HMCN1: variants seen among roughly 807,000 people sequenced by gnomAD.
The protein encoded by HMCN1 is hemicentin-1.
HMCN1 carries 321 observed loss-of-function variants against 625.9 expected under a neutral mutation model. The observed-to-expected ratio is 0.51, with a 90% CI of 0.47 to 0.56. The LOEUF is 0.56. Among genes scored for constraint, HMCN1 ranks in the 20% least tolerant of loss-of-function variants. The pLI is 0.00. For synonymous variants in HMCN1, 2,425 were observed against 2,417.6 expected (o/e 1.00, Z -0.09); for missense variants, 6,588 against 6,887.3 (o/e 0.96, Z 1.54).
chr1:185,989,717 C>T, intron 21 of HMCN1, 70 bp downstream of exon 21: 2 of 1,438,448 alleles, frequency 1.4e-6, no homozygotes, highest in Middle Eastern at 1.8e-4. Flanking sequence ...GTTCTTTCCC[C>T]AATACTGTTA....
At chr1:186,098,766 A>G (rs1280401306) in intron 68 of HMCN1, among the ~76,000 whole-genome samples, 1 of 152,172 alleles carries the variant, frequency 6.6e-6, no homozygotes, top group Non-Finnish European at 1.5e-5. Flanking sequence ...AAGATATATA[A>G]TCAATCTAAA....
intron 99 of HMCN1, among the ~76,000 whole-genome samples, chr1:186,166,599 C>T (rs1558275579): frequency 6.6e-6 from 1 of 152,226 alleles, no homozygotes; most frequent in Non-Finnish European, 1.5e-5. Flanking sequence ...ATTAATCTGT[C>T]AGTCTATGAA....
chr1:185,945,242 CTTTA>C (rs1191014690), intron 11 of HMCN1, among the ~76,000 whole-genome samples: 1 of 152,172 alleles, frequency 6.6e-6, no homozygotes, highest in Admixed American at 6.5e-5. Context: ...ACAATGAGAT[CTTTA>C]TTTATGCTAT....
chr1:185,799,997 G>A (rs1557978782), intron 1 of HMCN1, among the ~76,000 whole-genome samples: 1 of 152,178 alleles, frequency 6.6e-6, no homozygotes, highest in South Asian at 2.1e-4. Flanking sequence ...ACAAGTACCA[G>A]CCCTGATGGG....
chr1:185,794,409 T>C (rs1170371688), intron 1 of HMCN1, among the ~76,000 whole-genome samples: 2 of 150,710 alleles, frequency 1.3e-5, no homozygotes, highest in Non-Finnish European at 2.9e-5. Context: ...GATCTCACAA[T>C]AGGCCATCTG....
intron 50 of HMCN1, 59 bp from the exon 51 acceptor site, chr1:186,069,604 G>A: frequency 2.9e-6 from 3 of 1,036,002 alleles, no homozygotes; most frequent in Non-Finnish European, 4.5e-6. Flanking sequence ...CTGATAGCCT[G>A]TGTGTACTCC....
At chr1:186,161,064 T>C (rs1651434519) in intron 97 of HMCN1, among the ~76,000 whole-genome samples, 1 of 152,222 alleles carries the variant, frequency 6.6e-6, no homozygotes, top group Non-Finnish European at 1.5e-5. Flanking sequence ...TAAGTCTCTT[T>C]CTAGGTCTCT....
At chr1:186,108,816 G>C (rs1660745537) in intron 71 of HMCN1, among the ~76,000 whole-genome samples, 1 of 152,138 alleles carries the variant, frequency 6.6e-6, no homozygotes, top group African/African-American at 2.4e-5. Context: ...GTCAAAGAAA[G>C]GTATCTAGAT....
chr1:186,022,892 T>C, intron 35 of HMCN1, 138 bp from the exon 36 acceptor site: 1 of 833,600 alleles, frequency 1.2e-6, no homozygotes, highest in Non-Finnish European at 2.0e-6. Context: ...CGCTCTAGTC[T>C]ATCAAGGGTT....
intron 30 of HMCN1, among the ~76,000 whole-genome samples, chr1:186,013,746 T>G (rs183613818): frequency 6.6e-6 from 1 of 152,228 alleles, no homozygotes; most frequent in East Asian, 1.9e-4. Context: ...TTGAAGCGAC[T>G]TAAGAGCCAA....
chr1:185,890,232 T>TC (rs1018284003), intron 4 of HMCN1, among the ~76,000 whole-genome samples: 2 of 148,662 alleles, frequency 1.3e-5, no homozygotes, highest in African/African-American at 5.3e-5. Flanking sequence ...TAGCGGTCTA[T>TC]CAATTTTCTT....
chr1:185,850,767 G>A (rs181253805), intron 2 of HMCN1, among the ~76,000 whole-genome samples: 2 of 151,584 alleles, frequency 1.3e-5, no homozygotes, highest in African/African-American at 4.9e-5. Context: ...TTATCTTATG[G>A]GATTTTCTTT....
intron 4 of HMCN1, among the ~76,000 whole-genome samples, chr1:185,878,196 C>T (rs919945986): frequency 9.2e-5 from 14 of 152,094 alleles, no homozygotes; most frequent in Non-Finnish European, 1.8e-4. Flanking sequence ...AGCAAACAGA[C>T]GTAATTTCAC....
At chr1:186,008,047 T>C (rs539354786) in intron 30 of HMCN1, among the ~76,000 whole-genome samples, 1 of 152,304 alleles carries the variant, frequency 6.6e-6, no homozygotes, top group Non-Finnish European at 1.5e-5. Context: ...AGCAGTCACC[T>C]ACTTACTCTC....
intron 97 of HMCN1, among the ~76,000 whole-genome samples, chr1:186,160,760 G>C (rs920373126): frequency 1.3e-5 from 2 of 152,002 alleles, no homozygotes; most frequent in Non-Finnish European, 2.9e-5. Flanking sequence ...CTGAGTTCTA[G>C]TTTGATTGCA....
At chr1:186,039,360 TAAC>T (rs1656051776) in intron 38 of HMCN1, among the ~76,000 whole-genome samples, 1 of 151,996 alleles carries the variant, frequency 6.6e-6, no homozygotes, top group African/African-American at 2.4e-5. Flanking sequence ...AGTTGGTAGT[TAAC>T]ATACTACAGT....
chr1:185,847,764 G>T (rs1363049453), intron 2 of HMCN1, among the ~76,000 whole-genome samples: 1 of 152,002 alleles, frequency 6.6e-6, no homozygotes, highest in African/African-American at 2.4e-5. Context: ...ACCAGCCTGG[G>T]CGCATAGTGA....
intron 1 of HMCN1, among the ~76,000 whole-genome samples, chr1:185,842,516 A>T (rs1297567163): frequency 6.6e-6 from 1 of 151,986 alleles, no homozygotes; most frequent in African/African-American, 2.4e-5. Context: ...GTGAGCTGTG[A>T]TCATGCCATT....
At chr1:186,088,302 G>T in intron 62 of HMCN1, 26 bp downstream of exon 62, 1 of 1,611,886 alleles carries the variant, frequency 6.2e-7, no homozygotes, top group Non-Finnish European at 8.5e-7. Context: ...ATTTTTGTGT[G>T]TGTGTGTGTT....
Sources: gnomAD v4.1 joint callset for allele counts (sites outside exome capture counted in the v4.1 genomes callset) on GRCh38, gnomAD v4.1.1 for gene constraint, MANE v1.5 for transcripts, NCBI Gene and HGNC (gene_info 2026-07-23, HGNC 2026-07-21) for gene names.